Variants in NUFIP1 observed in about 807,000 individuals in gnomAD.
NUFIP1 encodes FMR1-interacting protein NUFIP1.
NUFIP1 carries 38 observed loss-of-function variants against 56.2 expected under a neutral mutation model. The ratio of observed to expected loss-of-function variants is 0.68; its 90% CI spans 0.52 to 0.89. NUFIP1 has a LOEUF of 0.89. Among genes scored for constraint, NUFIP1 ranks in the 40% least tolerant of loss-of-function variants. NUFIP1 has a pLI of 0.00. For missense variants in NUFIP1, 567 were observed against 605.8 expected, an observed-to-expected ratio of 0.94 and a Z score of 0.67; for synonymous variants, 215 against 212.4, an observed-to-expected ratio of 1.01 and a Z score of -0.10.
chr13:44,960,104 G>C (rs535205775), intron 6 of NUFIP1, among the ~76,000 whole-genome samples: 18 of 151,760 alleles, frequency 1.2e-4, no homozygotes, highest in African/African-American at 3.6e-4. Context: ...GCTAATTTTT[G>C]TATTTTTAGT....
chr13:44,985,796 A>G (rs1019099629), intron 1 of NUFIP1, among the ~76,000 whole-genome samples: 7 of 152,180 alleles, frequency 4.6e-5, no homozygotes, highest in African/African-American at 1.2e-4. Flanking sequence ...AAGTAGGCCA[A>G]TTAATAACCC....
chr13:44,965,893 T>C lies in NUFIP1; in HGVS notation c.778A>G (p.Lys260Glu), dbSNP rs1303955814. ...LANIERKKKL[K>E]LEKEKRGAVL... ...GCTCCTCTCTTCTCCTTTTCAAGTT[T>C]TAACTTCTTCTTCCTTTCAATATTG... The change falls in exon 6 of 10, where the codon AAA (lysine) becomes GAA (glutamate). Residue 260 changes from lysine (K) to glutamate (E), a missense_variant. Physicochemically the swap from Lys to Glu is moderately conservative, Grantham distance 56. Coordinates refer to ENST00000379161, the MANE Select transcript of NUFIP1 (RefSeq NM_012345.3). The C allele has an allele frequency of 6.2e-7, 1 of 1,603,452 alleles. No homozygotes were observed. Among genetic ancestry groups the C allele is most frequent in the Non-Finnish European group, 8.5e-7 (1 of 1,176,242 alleles).
At chr13:44,970,690 T>TTA (rs1159706386) in intron 5 of NUFIP1, among the ~76,000 whole-genome samples, 1 of 152,192 alleles carries the variant, frequency 6.6e-6, no homozygotes. Context: ...TGTTGTTTTT[T>TTA]TATTGAGACA....
At chr13:44,983,490 A>T (rs962813557) in intron 1 of NUFIP1, among the ~76,000 whole-genome samples, 3 of 138,616 alleles carry the variant, frequency 2.2e-5, no homozygotes, top group South Asian at 2.2e-4. Context: ...CGTCTCAAAT[A>T]AAAAAAAAAA....
chr13:44,980,762 T>C lies in NUFIP1; in HGVS notation c.554A>G (p.Asn185Ser), dbSNP rs759485640. Reference sequence around the variant, plus strand: ...CATGTGTTTGTCATACTTTTCTTGATTTTTAAAACCACGATCACAGGTATC... The same window carrying C: ...CATGTGTTTGTCATACTTTTCTTGACTTTTAAAACCACGATCACAGGTATC... The part of the protein sequence containing the change: ...FCDTCDRGFK[N>S]QEKYDKHMSE... The change falls in exon 3 of 10, where the codon AAT (asparagine) becomes AGT (serine). Residue 185 changes from asparagine (N) to serine (S), a missense_variant. Asn to Ser is a conservative substitution (Grantham distance 46). Transcript: ENST00000379161. 20 of 1,604,024 alleles carry C rather than the reference T, an allele frequency of 1.2e-5. 1 individual carries two copies. In the South Asian group the frequency reaches 2.3e-4, roughly 18 times the overall value.
chr13:44,964,044 T>C (rs957960012), intron 6 of NUFIP1, among the ~76,000 whole-genome samples: 1 of 152,172 alleles, frequency 6.6e-6, no homozygotes, highest in Admixed American at 6.5e-5. Flanking sequence ...GTAATTCATA[T>C]GTGAAAAAGT....
Position 44,939,829 on chromosome 13 carries a change from T to C in NUFIP1, c.*1377A>G, listed in dbSNP as rs1254076574. The C allele has an allele frequency of 2.0e-5, 3 of 152,272 alleles. 1 individual carries two copies. Among genetic ancestry groups the C allele is most frequent in the South Asian group, 4.1e-4 (2 of 4,820 alleles). 9.4% of individuals were successfully genotyped at this position (152,272 alleles called of 1,614,324 possible). On this transcript the variant is annotated 3_prime_UTR_variant, in exon 10 of 10. Coordinates refer to ENST00000379161, the MANE Select transcript of NUFIP1 (RefSeq NM_012345.3). ...GGGATCAACAACATCCCTGGAGATA[T>C]GGTCATCAATGAAAGTAGTCCAGGA...
chr13:44,972,783 T>C (rs1871850588), intron 5 of NUFIP1, among the ~76,000 whole-genome samples: 1 of 152,238 alleles, frequency 6.6e-6, no homozygotes, highest in Admixed American at 6.5e-5. Context: ...TTCAGTTACT[T>C]GTAGTCTTAT....
Position 44,966,896 on chromosome 13 carries a change from C to T in NUFIP1, c.735-960G>A, listed in dbSNP as rs949755316. Among the ~76,000 whole-genome samples the T allele has an allele frequency of 2.6e-5, 4 of 151,648 alleles. No individual in the cohort carries two copies. The South Asian group carries it at 8.4e-4, about 32-fold the overall frequency. ...GCTGAGGCAGGAGAATCTCTTGAAA[C>T]CAGGAGGTGGAGGTTGCAGTGACCT... On this transcript the variant is annotated intron_variant, in intron 5 of 9. Coordinates refer to ENST00000379161, the MANE Select transcript of NUFIP1 (RefSeq NM_012345.3).
chr13:44,977,422 G>C (rs918953802), intron 5 of NUFIP1, among the ~76,000 whole-genome samples: 2 of 152,182 alleles, frequency 1.3e-5, no homozygotes, highest in African/African-American at 4.8e-5. Context: ...ATGATATTTA[G>C]TTCAGCTGGT....
At position 44,949,825 on chromosome 13, in the gene NUFIP1, C is replaced by G; in HGVS notation, c.1035G>C (p.Glu345Asp). ...GTATCACAGAATGTTGTGGTTTCTC[C>G]TCCTTATCAGACTCTGAAGGGAAAA... ...LINSDSESDK[E>D]EKPQHSVIPK... The change falls in exon 8 of 10, where the codon GAG becomes GAC. Residue 345 changes from glutamate (E) to aspartate (D), a missense_variant. By Grantham distance (45) the Glu-to-Asp change is conservative. Transcript: ENST00000379161. The G allele has an allele frequency of 6.2e-7, 1 of 1,613,446 alleles. No individual in the cohort carries two copies. Among genetic ancestry groups the G allele is most frequent in the Non-Finnish European group, 8.5e-7 (1 of 1,179,374 alleles).
intron 5 of NUFIP1, among the ~76,000 whole-genome samples, chr13:44,973,509 C>A (rs1871873484): frequency 6.6e-6 from 1 of 152,162 alleles, no homozygotes; most frequent in Non-Finnish European, 1.5e-5. Context: ...CATTTACACA[C>A]ACTAACATTT....
chr13:44,951,619 C>A (rs1396499672), intron 7 of NUFIP1, among the ~76,000 whole-genome samples: 1 of 152,154 alleles, frequency 6.6e-6, no homozygotes, highest in Non-Finnish European at 1.5e-5. Flanking sequence ...TAGTAAAACT[C>A]CAAACAGTTA....
In NUFIP1 at chr13:44,989,278, C is replaced by G. The variant is rs368706125; in HGVS notation, c.159G>C (p.Ser53=). The change falls in exon 1 of 10, where the codon TCG becomes TCC. Residue 53 remains serine (S), a synonymous_variant. Transcript: ENST00000379161. ...AAGGCTTTGACCCGGCTGCGGGAAGCGAGGACGTAAGTGGTGGTGGCGGTG... is the reference window on the plus strand; with the variant it reads ...AAGGCTTTGACCCGGCTGCGGGAAGGGAGGACGTAAGTGGTGGTGGCGGTG... The part of the protein sequence containing the change: ...LPPPPPPLTS[S]LPAAGSKPSS... 2 of 1,613,306 alleles carry G rather than the reference C, an allele frequency of 1.2e-6. No homozygotes were observed. The highest frequency in any genetic ancestry group is 2.7e-5 in the African/African-American group (2 of 74,902).
chr13:44,985,339 A>C (rs1872345010), intron 1 of NUFIP1, among the ~76,000 whole-genome samples: 1 of 152,052 alleles, frequency 6.6e-6, no homozygotes, highest in Non-Finnish European at 1.5e-5. Context: ...AAAAAACTTT[A>C]AATTATCCTT....
intron 5 of NUFIP1, 125 bp from the exon 6 acceptor site, chr13:44,966,061 C>T: frequency 2.3e-6 from 1 of 443,200 alleles, no homozygotes; most frequent in Non-Finnish European, 3.9e-6. Flanking sequence ...AAACCTTTAA[C>T]TGCTTCTACA....
intron 5 of NUFIP1, among the ~76,000 whole-genome samples, chr13:44,966,698 A>T (rs1357007758): frequency 6.6e-6 from 1 of 152,028 alleles, no homozygotes; most frequent in East Asian, 1.9e-4. Flanking sequence ...CAAAAAATAT[A>T]CACGGTGGCT....
Position 44,941,265 on chromosome 13 carries a change from T to C in NUFIP1, c.1429A>G (p.Ile477Val), listed in dbSNP as rs529688594. The change falls in exon 10 of 10, where the codon ATC (isoleucine) becomes GTC (valine). Residue 477 changes from isoleucine to valine, a missense_variant. Physicochemically the swap from Ile to Val is conservative, Grantham distance 29. Coordinates refer to ENST00000379161, the MANE Select transcript of NUFIP1 (RefSeq NM_012345.3). ...AGTCCAAAAAAGTCTTTTTTGATGA[T>C]GTACCGAACACACTGCAAAATCACA... ...RNVILQCVRY[I>V]IKKDFFGLDT... 1 of 1,612,500 alleles carries C rather than the reference T, an allele frequency of 6.2e-7. No individual in the cohort carries two copies. The highest frequency in any genetic ancestry group is 2.2e-5 in the East Asian group (1 of 44,788).
intron 8 of NUFIP1, among the ~76,000 whole-genome samples, chr13:44,945,215 C>T (rs955089929): frequency 2.6e-5 from 4 of 151,838 alleles, no homozygotes; most frequent in African/African-American, 9.7e-5. Context: ...CTACAGATAT[C>T]ACAGGAAATA....
Sources: allele counts gnomAD v4.1 joint callset (sites outside exome capture counted in the v4.1 genomes callset), GRCh38; gene constraint gnomAD v4.1.1; transcripts MANE v1.5; gene names NCBI Gene and HGNC (gene_info 2026-07-23, HGNC 2026-07-21).